The following TAOK1 variants were observed in gnomAD, a reference collection of about 807,000 sequenced individuals.
The protein encoded by TAOK1 is serine/threonine-protein kinase TAO1.
In TAOK1, 21 loss-of-function variants were observed where a neutral mutation model predicts 138.3. That is an observed-to-expected ratio of 0.15 (90% CI 0.11 to 0.22). TAOK1 has a LOEUF of 0.22. Among genes scored for constraint, TAOK1 ranks in the 10% least tolerant of loss-of-function variants. TAOK1 has a pLI of 1.00. For synonymous variants in TAOK1, 361 were observed against 398.4 expected, an observed-to-expected ratio of 0.91 and a Z score of 1.12; for missense variants, 651 against 1,227.7, an observed-to-expected ratio of 0.53 and a Z score of 7.02.
chr17:29,513,085 G>C (rs1377148464), intron 15 of TAOK1: 1 of 118,060 alleles, frequency 8.5e-6, no homozygotes, highest in East Asian at 2.7e-4. Context: ...TAGGATGATT[G>C]AAATTTTTAG....
chr17:29,435,829 C>T (rs184199683), intron 1 of TAOK1, among the ~76,000 whole-genome samples: 6 of 152,258 alleles, frequency 3.9e-5, no homozygotes, highest in African/African-American at 1.4e-4. Context: ...CTTATATTGC[C>T]ATAAGAATAC....
At chr17:29,418,879 C>T (rs2153021580) in intron 1 of TAOK1, among the ~76,000 whole-genome samples, 1 of 148,924 alleles carries the variant, frequency 6.7e-6, no homozygotes, top group East Asian at 2.0e-4. Flanking sequence ...AATTAGAGTT[C>T]TTCACGTTTA....
At chr17:29,393,577 T>A (rs1904497404) in intron 1 of TAOK1, among the ~76,000 whole-genome samples, 1 of 152,202 alleles carries the variant, frequency 6.6e-6, no homozygotes, top group Non-Finnish European at 1.5e-5. Flanking sequence ...GTATGGCACT[T>A]CTTATGTTTC....
Position 29,482,399 on chromosome 17 carries a change from G to A in TAOK1, c.655+111G>A, listed in dbSNP as rs549736646. 6.0e-6 allele frequency: 5 copies of A among 838,246 alleles called. No homozygotes were observed. The East Asian group carries it at 8.1e-5, about 14-fold the overall frequency. The allele number at this position is 838,246 out of a possible 1,614,324, so 51.9% of individuals were successfully genotyped here. The stretch of plus-strand genomic sequence containing the variant: ...TTTTATCTTAAATGTCACTTTATAA[G>A]GGGGGCAATACATTTATTAAGGTTT... On this transcript the variant is annotated intron_variant, in intron 8 of 19. Coordinates refer to ENST00000261716, the MANE Select transcript of TAOK1 (RefSeq NM_020791.4).
rs1312182639 is a variant in TAOK1 at position 29,533,012 on chromosome 17, G to A, written c.2362-1106G>A. Among the ~76,000 whole-genome samples the A allele has an allele frequency of 1.5e-3, 5 of 3,328 alleles. 1 individual carries two copies. The highest frequency in any genetic ancestry group is 2.7e-3 in the Non-Finnish European group (4 of 1,456). 2.2% of individuals were successfully genotyped at this position (3,328 alleles called of 152,430 possible). On this transcript the variant is annotated intron_variant, in intron 18 of 19. Transcript: ENST00000261716. The stretch of plus-strand genomic sequence containing the variant: ...CTGACCCCCCCACCTCCAACCGGGC[G>A]GGGGGCTGACCCCCACCTCCCTCCC...
intron 1 of TAOK1, among the ~76,000 whole-genome samples, chr17:29,439,905 T>G (rs1175246290): frequency 6.6e-6 from 1 of 150,404 alleles, no homozygotes; most frequent in Non-Finnish European, 1.5e-5. Context: ...TTTAAGATAG[T>G]CTGTAATATA....
In TAOK1 at chr17:29,451,792, T is replaced by G. The variant is rs1185465147; in HGVS notation, c.132+112T>G. 3 of 1,280,834 alleles carry G rather than the reference T, an allele frequency of 2.3e-6. No homozygotes were observed. The Admixed American group carries it at 7.1e-5, about 30-fold the overall frequency. The allele number at this position is 1,280,834 out of a possible 1,614,324, so 79.3% of individuals were successfully genotyped here. A position where few individuals can be genotyped will look rare whatever the true frequency, so the allele number is the denominator to read the frequency against. On this transcript the variant is annotated intron_variant, in intron 2 of 19. Coordinates refer to ENST00000261716, the MANE Select transcript of TAOK1 (RefSeq NM_020791.4). ...TAGGCCATAGTCATTTTATAGTCAC[T>G]TGCATAGGGGGAAGAGAGAGAGCGC...
At chr17:29,540,714 G>C (rs993637556) in intron 19 of TAOK1, among the ~76,000 whole-genome samples, 1 of 152,134 alleles carries the variant, frequency 6.6e-6, no homozygotes, top group African/African-American at 2.4e-5. Flanking sequence ...GGGATTACAG[G>C]CATGTGCCAC....
rs544311386 is a variant in TAOK1, at chr17:29,551,773, T to C, written c.*8751T>C. ...ATTGTATAGATTGTGCATTAAAAGC[T>C]GTTACCAAGTTGTCAGAACATAAGA... On this transcript the variant is annotated 3_prime_UTR_variant, in exon 20 of 20. Coordinates refer to ENST00000261716, the MANE Select transcript of TAOK1 (RefSeq NM_020791.4). 13 of 152,780 alleles carry C rather than the reference T, an allele frequency of 8.5e-5. No individual in the cohort carries two copies. The East Asian group carries it at 2.5e-3, about 29-fold the overall frequency. 9.5% of individuals were successfully genotyped at this position (152,780 alleles called of 1,614,324 possible).
At chr17:29,392,032 C>G (rs1403553868) in intron 1 of TAOK1, among the ~76,000 whole-genome samples, 3 of 152,046 alleles carry the variant, frequency 2.0e-5, no homozygotes, top group Non-Finnish European at 4.4e-5. Context: ...CTGGCTAACA[C>G]GGTGAAACCC....
chr17:29,537,982 C>T (rs867557304), intron 19 of TAOK1, among the ~76,000 whole-genome samples: 18 of 151,806 alleles, frequency 1.2e-4, no homozygotes, highest in African/African-American at 4.4e-4. Flanking sequence ...CATGGTGGTG[C>T]GTGCCTGTAA....
chr17:29,450,945 G>A (rs2030215691), intron 1 of TAOK1, among the ~76,000 whole-genome samples: 1 of 152,170 alleles, frequency 6.6e-6, no homozygotes, highest in Non-Finnish European at 1.5e-5. Flanking sequence ...ATTTTAATGT[G>A]AATCAGGTGA....
At chr17:29,486,743 A>C (rs1286599541) in intron 8 of TAOK1, among the ~76,000 whole-genome samples, 1 of 152,168 alleles carries the variant, frequency 6.6e-6, no homozygotes, top group Non-Finnish European at 1.5e-5. Flanking sequence ...AAATTGAGAG[A>C]TTTTTAATTT....
At chr17:29,398,997 T>G (rs1904752143) in intron 1 of TAOK1, among the ~76,000 whole-genome samples, 1 of 151,676 alleles carries the variant, frequency 6.6e-6, no homozygotes. Flanking sequence ...TTTTTTTTTT[T>G]TTTTTTGAGA....
chr17:29,406,245 C>T (rs79697305), intron 1 of TAOK1, among the ~76,000 whole-genome samples: 134 of 152,076 alleles, frequency 8.8e-4, no homozygotes, highest in Middle Eastern at 3.4e-3. Flanking sequence ...TACCAAATGT[C>T]CCCTAGGGAG....
intron 1 of TAOK1, among the ~76,000 whole-genome samples, chr17:29,434,641 A>G (rs886327146): frequency 1.3e-5 from 2 of 152,044 alleles, no homozygotes; most frequent in African/African-American, 4.8e-5. Context: ...TCTGTTTCCC[A>G]CCTACAGTCA....
At chr17:29,418,985 A>G (rs1323558447) in intron 1 of TAOK1, among the ~76,000 whole-genome samples, 2 of 151,588 alleles carry the variant, frequency 1.3e-5, no homozygotes, top group Non-Finnish European at 2.9e-5. Context: ...TTTCTTCAAA[A>G]AAGGCTGCTG....
intron 17 of TAOK1, among the ~76,000 whole-genome samples, chr17:29,526,320 A>T (rs970955077): frequency 6.6e-6 from 1 of 152,180 alleles, no homozygotes; most frequent in Non-Finnish European, 1.5e-5. Flanking sequence ...GCCTTTTAAA[A>T]GAATGGATGC....
At position 29,548,937 on chromosome 17, in the gene TAOK1, A is replaced by C. The variant is rs1260737443; in HGVS notation, c.*5915A>C. On this transcript the variant is annotated 3_prime_UTR_variant, in exon 20 of 20. Coordinates refer to ENST00000261716, the MANE Select transcript of TAOK1 (RefSeq NM_020791.4). ...CAGGTTTGAGATCTTTTGCAGTGAA[A>C]TAATTTTATTTAATATAAATGATCA... is the stretch of plus-strand genomic sequence containing the variant. 6.6e-6 allele frequency: 1 copy of C among 152,170 alleles called. No individual in the cohort carries two copies. Among genetic ancestry groups the C allele is most frequent in the South Asian group, 2.1e-4 (1 of 4,828 alleles). The allele number at this position is 152,170 out of a possible 1,614,324, so 9.4% of individuals were successfully genotyped here. A position where few individuals can be genotyped will look rare whatever the true frequency, so the allele number is the denominator to read the frequency against.
Sources: gnomAD v4.1 joint callset for allele counts (sites outside exome capture counted in the v4.1 genomes callset) on GRCh38, gnomAD v4.1.1 for gene constraint, MANE v1.5 for transcripts, NCBI Gene and HGNC (gene_info 2026-07-23, HGNC 2026-07-21) for gene names.